Variants in MBLAC2 observed in about 807,000 individuals in gnomAD.
MBLAC2 encodes the protein metallo-beta-lactamase domain containing 2.
Under a neutral mutation model 23.3 loss-of-function variants are expected in MBLAC2, and 24 were observed. The ratio of observed to expected loss-of-function variants is 1.03; its 90% CI spans 0.75 to 1.45. MBLAC2 has a LOEUF of 1.45. Ranked by LOEUF, MBLAC2 falls within the 40% of genes most tolerant of loss-of-function variation. The probability of loss-of-function intolerance (pLI) is 0.00; values close to 1 mark genes in which losing one functional copy is unlikely to be tolerated. For synonymous variants in MBLAC2, 162 were observed against 150.9 expected, an observed-to-expected ratio of 1.07 and a Z score of -0.54; for missense variants, 358 against 370.0, an observed-to-expected ratio of 0.97 and a Z score of 0.27.
rs1178790946 is a variant in MBLAC2 at position 90,460,510 on chromosome 5, T to C, written c.*657A>G. 1 of 152,526 alleles carries C rather than the reference T, an allele frequency of 6.6e-6. No homozygotes were observed. Among genetic ancestry groups the C allele is most frequent in the Non-Finnish European group, 1.5e-5 (1 of 67,962 alleles). The allele number at this position is 152,526 out of a possible 1,614,324, so 9.4% of individuals were successfully genotyped here. On this transcript the variant is annotated 3_prime_UTR_variant, in exon 2 of 2. Transcript: ENST00000316610. ...ACCTACACAATAACAAACAACAATA[T>C]ATAGTAGCTTTTTACTGAAGCACTC... is the stretch of plus-strand genomic sequence containing the variant.
chr5:90,464,891 A>G (rs1175923466), intron 1 of MBLAC2, among the ~76,000 whole-genome samples: 1 of 152,240 alleles, frequency 6.6e-6, no homozygotes, highest in African/African-American at 2.4e-5. Context: ...CCTGAACTTG[A>G]TAAAAGTCAC....
At chr5:90,469,521 T>A (rs764499184) in intron 1 of MBLAC2, among the ~76,000 whole-genome samples, 1 of 152,138 alleles carries the variant, frequency 6.6e-6, no homozygotes, top group Non-Finnish European at 1.5e-5. Context: ...GCATCCTTAC[T>A]GACTCTTGGA....
chr5:90,463,164 A>C (rs983992711), intron 1 of MBLAC2, among the ~76,000 whole-genome samples: 2 of 152,198 alleles, frequency 1.3e-5, no homozygotes, highest in African/African-American at 2.4e-5. Flanking sequence ...GCTCACTGCA[A>C]CCTCTGCCTT....
At chr5:90,468,428 A>G (rs1179077684) in intron 1 of MBLAC2, among the ~76,000 whole-genome samples, 1 of 151,888 alleles carries the variant, frequency 6.6e-6, no homozygotes. Context: ...GGATTGGGTT[A>G]ATTCAAAAGC....
In MBLAC2 at chr5:90,474,309, G is replaced by A. The variant is rs376282829; in HGVS notation, c.-17C>T. The A allele has an allele frequency of 9.3e-6, 15 of 1,609,446 alleles. No individual in the cohort carries two copies. In the South Asian group the frequency reaches 1.2e-4, roughly 13 times the overall value. ...CGCCGACATGCTGGGCAGGGGTGCA[G>A]CCAGGCGGGGTGAGTGTGGGCGTGC... is the stretch of plus-strand genomic sequence containing the variant. On this transcript the variant is annotated 5_prime_UTR_variant, in exon 1 of 2. Transcript: ENST00000316610.
At chr5:90,471,586 G>T (rs1750550090) in intron 1 of MBLAC2, among the ~76,000 whole-genome samples, 1 of 152,158 alleles carries the variant, frequency 6.6e-6, no homozygotes, top group Admixed American at 6.5e-5. Context: ...ACAGTGCACA[G>T]ATTTATGCTT....
In MBLAC2 at chr5:90,474,295, T is replaced by C. The variant is rs746192761; in HGVS notation, c.-3A>G. The C allele has an allele frequency of 5.6e-6, 9 of 1,612,340 alleles. No individual in the cohort carries two copies. The South Asian group carries it at 7.7e-5, about 14-fold the overall frequency. On this transcript the variant is annotated 5_prime_UTR_variant, in exon 1 of 2. Coordinates refer to ENST00000316610, the MANE Select transcript of MBLAC2 (RefSeq NM_203406.2). ...GCGTACCACTCGAGCGCCGACATGCTGGGCAGGGGTGCAGCCAGGCGGGGT... is the reference window on the plus strand; with the variant it reads ...GCGTACCACTCGAGCGCCGACATGCCGGGCAGGGGTGCAGCCAGGCGGGGT...
chr5:90,465,994 G>A (rs980050306), intron 1 of MBLAC2, among the ~76,000 whole-genome samples: 1 of 152,062 alleles, frequency 6.6e-6, no homozygotes, highest in South Asian at 2.1e-4. Flanking sequence ...TAAATTTCAC[G>A]TGGAAATGCA....
chr5:90,468,772 GA>G (rs1750494146), intron 1 of MBLAC2, among the ~76,000 whole-genome samples: 1 of 152,004 alleles, frequency 6.6e-6, no homozygotes, highest in African/African-American at 2.4e-5. Flanking sequence ...AACTCCAAAA[GA>G]AACCCTCAAA....
intron 1 of MBLAC2, 40 bp from the exon 2 acceptor site, chr5:90,461,592 TACTTG>T (rs1430580464): frequency 2.6e-6 from 4 of 1,554,202 alleles, no homozygotes; most frequent in Non-Finnish European, 3.5e-6. Flanking sequence ...ACATGTTGTA[TACTTG>T]ACTTAGCATG....
At chr5:90,470,171 G>A (rs1346521195) in intron 1 of MBLAC2, among the ~76,000 whole-genome samples, 1 of 152,180 alleles carries the variant, frequency 6.6e-6, no homozygotes, top group Non-Finnish European at 1.5e-5. Context: ...ATATGTGGGA[G>A]GTAGTGCTAG....
At chr5:90,471,320 G>A (rs1051740382) in intron 1 of MBLAC2, among the ~76,000 whole-genome samples, 1 of 152,146 alleles carries the variant, frequency 6.6e-6, no homozygotes, top group Non-Finnish European at 1.5e-5. Context: ...TGGGCATATG[G>A]TTTAAACATG....
chr5:90,474,467 G>A lies in MBLAC2; in HGVS notation c.-175C>T, dbSNP rs1293262585. ...TCGGAATAGGAGGAGGAAGGACGCAGACCGACGCTGCCCGTAGCGTGCGCT... is the reference window on the plus strand; with the variant it reads ...TCGGAATAGGAGGAGGAAGGACGCAAACCGACGCTGCCCGTAGCGTGCGCT... On this transcript the variant is annotated 5_prime_UTR_variant, in exon 1 of 2. Transcript: ENST00000316610. 3 of 623,198 alleles carry A rather than the reference G, an allele frequency of 4.8e-6. No individual in the cohort carries two copies. Among genetic ancestry groups the A allele is most frequent in the South Asian group, 3.9e-5 (2 of 50,944 alleles). The allele number at this position is 623,198 out of a possible 1,614,324, so 38.6% of individuals were successfully genotyped here. A position where few individuals can be genotyped will look rare whatever the true frequency, so the allele number is the denominator to read the frequency against.
intron 1 of MBLAC2, among the ~76,000 whole-genome samples, chr5:90,470,756 G>GCGCA (rs1272602098): frequency 7.1e-6 from 1 of 140,542 alleles, no homozygotes; most frequent in Non-Finnish European, 1.5e-5. Context: ...TAGCGCGCGC[G>GCGCA]CACACACACA....
chr5:90,461,030 C>T lies in MBLAC2; in HGVS notation c.*137G>A. On this transcript the variant is annotated 3_prime_UTR_variant, in exon 2 of 2. Coordinates refer to ENST00000316610, the MANE Select transcript of MBLAC2 (RefSeq NM_203406.2). ...TTTAAACTAACAATTTTCTTTTTGG[C>T]TTATTCATTCTCAATCTTTCTCTGA... 2.8e-6 allele frequency: 2 copies of T among 722,304 alleles called. No individual in the cohort carries two copies. The highest frequency in any genetic ancestry group is 2.1e-6 in the Non-Finnish European group (1 of 474,406). 44.7% of individuals were successfully genotyped at this position (722,304 alleles called of 1,614,324 possible). A position where few individuals can be genotyped will look rare whatever the true frequency, so the allele number is the denominator to read the frequency against.
Position 90,473,990 on chromosome 5 carries a change from G to C in MBLAC2, c.303C>G (p.His101Gln). 1 of 1,599,034 alleles carries C rather than the reference G, an allele frequency of 6.3e-7. No individual in the cohort carries two copies. Among genetic ancestry groups the C allele is most frequent in the Non-Finnish European group, 8.5e-7 (1 of 1,173,912 alleles). The change falls in exon 1 of 2, where the codon CAC becomes CAG. Residue 101 changes from histidine (H) to glutamine (Q), a missense_variant. By Grantham distance (24) the His-to-Gln change is conservative. Coordinates refer to ENST00000316610, the MANE Select transcript of MBLAC2 (RefSeq NM_203406.2). ...GLYQFDRVAV[H>Q]HAEAEALARG... Reference sequence around the variant, plus strand: ...GAGCCAGCGCCTCGGCCTCGGCGTGGTGCACTGCCACGCGGTCGAACTGGT... The same window carrying C: ...GAGCCAGCGCCTCGGCCTCGGCGTGCTGCACTGCCACGCGGTCGAACTGGT...
intron 1 of MBLAC2, among the ~76,000 whole-genome samples, chr5:90,470,623 A>AT (rs962499156): frequency 6.6e-6 from 1 of 152,068 alleles, no homozygotes; most frequent in African/African-American, 2.4e-5. Flanking sequence ...TAGGAGGCAG[A>AT]TTCCCTAGAT....
Position 90,459,069 on chromosome 5 carries a change from G to C in MBLAC2, c.*2098C>G, listed in dbSNP as rs1430878867. On this transcript the variant is annotated 3_prime_UTR_variant, in exon 2 of 2. Transcript: ENST00000316610. The stretch of plus-strand genomic sequence containing the variant: ...GCCTAAAATATGATAAAAATGGTCA[G>C]TGGTTAAGGACTTTTGGTTTTCCTT... The C allele has an allele frequency of 2.0e-5, 3 of 152,446 alleles. No homozygotes were observed. The highest frequency in any genetic ancestry group is 7.2e-5 in the African/African-American group (3 of 41,388). The allele number at this position is 152,446 out of a possible 1,614,324, so 9.4% of individuals were successfully genotyped here. A position where few individuals can be genotyped will look rare whatever the true frequency, so the allele number is the denominator to read the frequency against.
chr5:90,464,127 G>C (rs758109734), intron 1 of MBLAC2, among the ~76,000 whole-genome samples: 3 of 152,112 alleles, frequency 2.0e-5, no homozygotes, highest in Non-Finnish European at 4.4e-5. Flanking sequence ...GGGCTCAAAG[G>C]CTTCATTGAT....
Sources: allele counts gnomAD v4.1 joint callset (sites outside exome capture counted in the v4.1 genomes callset), GRCh38; gene constraint gnomAD v4.1.1; transcripts MANE v1.5; gene names NCBI Gene and HGNC (gene_info 2026-07-23, HGNC 2026-07-21).